The following ACACB variants were observed in gnomAD, a reference collection of about 807,000 sequenced individuals.
ACACB encodes acetyl-CoA carboxylase beta.
Under a neutral mutation model 278.8 loss-of-function variants are expected in ACACB, and 209 were observed. The ratio of observed to expected loss-of-function variants is 0.75; its 90% CI spans 0.67 to 0.84. The LOEUF (loss-of-function observed/expected upper bound fraction) is 0.84. Among genes scored for constraint, ACACB ranks in the 40% least tolerant of loss-of-function variants. ACACB has a pLI of 0.00. For synonymous variants in ACACB, 1,174 were observed against 1,285.6 expected (o/e 0.91, Z 1.86); for missense variants, 2,850 against 3,269.0 (o/e 0.87, Z 3.13).
intron 43 of ACACB, among the ~76,000 whole-genome samples, chr12:109,253,474 G>T (rs909971158): frequency 1.3e-5 from 2 of 152,168 alleles, no homozygotes; most frequent in Admixed American, 1.3e-4. Flanking sequence ...CAGTCAGGCT[G>T]GATTTGATTC....
At chr12:109,228,980 A>C (rs1223095417) in intron 28 of ACACB, among the ~76,000 whole-genome samples, 1 of 152,020 alleles carries the variant, frequency 6.6e-6, no homozygotes, top group African/African-American at 2.4e-5. Flanking sequence ...TTTTTTTGAG[A>C]TGGAGTCTCG....
chr12:109,140,686 C>T (rs780233501), intron 2 of ACACB, among the ~76,000 whole-genome samples: 5 of 151,996 alleles, frequency 3.3e-5, no homozygotes, highest in African/African-American at 4.8e-5. Context: ...GAAATCATTC[C>T]TTGTGCATCT....
At chr12:109,262,596 G>C (rs2136849668) in intron 49 of ACACB, 127 bp downstream of exon 49, 1 of 596,020 alleles carries the variant, frequency 1.7e-6, no homozygotes, top group South Asian at 2.1e-5. Context: ...ATAACTGTGA[G>C]ATTTTTAAAG....
intron 19 of ACACB, among the ~76,000 whole-genome samples, chr12:109,203,943 A>C (rs2045414185): frequency 6.6e-6 from 1 of 152,114 alleles, no homozygotes; most frequent in Non-Finnish European, 1.5e-5. Flanking sequence ...TAATTAGTAC[A>C]TCTGTCCAGT....
At chr12:109,212,973 C>A (rs751047644) in intron 22 of ACACB, 37 bp downstream of exon 22, 5 of 1,578,648 alleles carry the variant, frequency 3.2e-6, no homozygotes, top group Non-Finnish European at 3.5e-6. Context: ...GTGGTTGTCA[C>A]CTGAATCGTC....
intron 2 of ACACB, among the ~76,000 whole-genome samples, chr12:109,141,357 C>T (rs375434701): frequency 4.3e-4 from 65 of 152,324 alleles, no homozygotes; most frequent in Middle Eastern, 3.4e-3. Flanking sequence ...ACTATCCCAG[C>T]GGCTGCAGTC....
chr12:109,210,270 C>CACACACATATCTGTGTGTATATGTAT (rs1565927678), intron 21 of ACACB, among the ~76,000 whole-genome samples: 2 of 19,954 alleles, frequency 1.0e-4, no homozygotes, highest in African/African-American at 2.0e-4. Flanking sequence ...TGTATATGTA[C>CACACACATATCTGTGTGTATATGTAT]ATATACACAC....
rs368620908 is a variant in ACACB, at chr12:109,151,367, G to A, written c.653+11309G>A. Among the ~76,000 whole-genome samples, 6 of 152,176 alleles carry A rather than the reference G, an allele frequency of 3.9e-5. No homozygotes were observed. The East Asian group carries it at 1.2e-3, about 29-fold the overall frequency. On this transcript the variant is annotated intron_variant, in intron 2 of 52. Coordinates refer to ENST00000338432, the MANE Select transcript of ACACB (RefSeq NM_001093.4). ...GTATTAAGTTAATACAAGGTACAGA[G>A]CAACTAACCATTCATACATTCCCCT...
intron 15 of ACACB, among the ~76,000 whole-genome samples, chr12:109,193,120 C>G (rs2136290017): frequency 1.3e-5 from 2 of 152,016 alleles, no homozygotes; most frequent in South Asian, 4.1e-4. Context: ...TGTAAGATTT[C>G]AAATCCCTCA....
chr12:109,235,564 T>C (rs759328800), intron 32 of ACACB, 42 bp from the exon 33 acceptor site: 2 of 1,578,834 alleles, frequency 1.3e-6, no homozygotes, highest in South Asian at 1.1e-5. Context: ...TCAGTGCGTC[T>C]TGCTTGATTT....
intron 49 of ACACB, chr12:109,262,923 C>G (rs1057408788): frequency 1.6e-5 from 2 of 125,468 alleles, no homozygotes; most frequent in African/African-American, 5.4e-5. Context: ...GGAGGACATT[C>G]ACATTTCTAA....
At chr12:109,235,412 A>G in intron 32 of ACACB, 43 bp downstream of exon 32, 1 of 1,579,354 alleles carries the variant, frequency 6.3e-7, no homozygotes, top group Non-Finnish European at 8.7e-7. Context: ...CCATTCTCCA[A>G]GCCTTGGTGT....
intron 33 of ACACB, 77 bp downstream of exon 33, chr12:109,235,724 G>A (rs2046614555): frequency 5.1e-6 from 7 of 1,369,874 alleles, no homozygotes; most frequent in South Asian, 1.2e-5. Context: ...GGGGCCGGGT[G>A]TGGTGGCTCA....
intron 28 of ACACB, among the ~76,000 whole-genome samples, chr12:109,229,405 T>C (rs1593642348): frequency 6.6e-6 from 1 of 152,320 alleles, no homozygotes. Flanking sequence ...CTCCAAGTCC[T>C]TTCCACAGCA....
At chr12:109,247,105 G>A (rs1593695207) in intron 39 of ACACB, among the ~76,000 whole-genome samples, 3 of 152,054 alleles carry the variant, frequency 2.0e-5, no homozygotes, top group Admixed American at 2.0e-4. Context: ...AAAATCTTTG[G>A]GGAGTTGTAT....
intron 43 of ACACB, 88 bp downstream of exon 43, chr12:109,253,246 T>C: frequency 7.2e-7 from 1 of 1,380,936 alleles, no homozygotes; most frequent in Admixed American, 2.4e-5. Context: ...CTGGGTGGTG[T>C]GGGAGGCTGA....
intron 34 of ACACB, among the ~76,000 whole-genome samples, chr12:109,238,444 A>C (rs1239526964): frequency 8.0e-6 from 1 of 124,834 alleles, no homozygotes; most frequent in Admixed American, 9.5e-5. Flanking sequence ...ATATAATATA[A>C]CATATAATAT....
rs552546217 is a variant in ACACB, at chr12:109,240,961, T to C, written c.4819-117T>C. 7.5e-6 allele frequency: 7 copies of C among 932,972 alleles called. No individual in the cohort carries two copies. In the African/African-American group the frequency reaches 1.1e-4, roughly 15 times the overall value. 57.8% of individuals were successfully genotyped at this position (932,972 alleles called of 1,614,324 possible). A position where few individuals can be genotyped will look rare whatever the true frequency, so the allele number is the denominator to read the frequency against. On this transcript the variant is annotated intron_variant, in intron 35 of 52. Coordinates refer to ENST00000338432, the MANE Select transcript of ACACB (RefSeq NM_001093.4). ...TTAATACTTTTTGTTGGATACACAC[T>C]ATGTCCCAGGCGTTTTTGCAGTCAG...
chr12:109,237,080 G>A (rs2046650864), intron 33 of ACACB, 85 bp from the exon 34 acceptor site: 1 of 1,374,242 alleles, frequency 7.3e-7, no homozygotes, highest in South Asian at 1.2e-5. Flanking sequence ...GGTCTGCAGA[G>A]TAGGGTGTGG....
Sources: allele counts gnomAD v4.1 joint callset (sites outside exome capture counted in the v4.1 genomes callset), GRCh38; gene constraint gnomAD v4.1.1; transcripts MANE v1.5; gene names NCBI Gene and HGNC (gene_info 2026-07-23, HGNC 2026-07-21).